CC2D2A: variants seen among roughly 807,000 people sequenced by gnomAD.
CC2D2A encodes coiled-coil and C2 domain-containing protein 2A.
CC2D2A carries 155 observed loss-of-function variants against 212.9 expected under a neutral mutation model. The observed-to-expected ratio is 0.73, with a 90% CI of 0.64 to 0.83. The LOEUF (loss-of-function observed/expected upper bound fraction) is 0.83. Among genes scored for constraint, CC2D2A ranks in the 40% least tolerant of loss-of-function variants. The pLI, the probability that CC2D2A is intolerant of heterozygous loss-of-function variation, is 0.00. For synonymous variants in CC2D2A, 667 were observed against 686.5 expected (o/e 0.97, Z 0.44); for missense variants, 1,856 against 1,956.2 (o/e 0.95, Z 0.97).
At chr4:15,492,776 C>A in intron 4 of CC2D2A, 1 of 710,422 alleles carries the variant, frequency 1.4e-6, no homozygotes, top group African/African-American at 1.8e-5. Flanking sequence ...TTGCTATAGC[C>A]AAATTCATTG....
rs150654680 is a variant in CC2D2A, at chr4:15,503,771, A to C, written c.438+848A>C. Among the ~76,000 whole-genome samples, 719 of 152,302 alleles carry C rather than the reference A, an allele frequency of 4.7e-3. 9 individuals carry two copies. Among genetic ancestry groups the C allele is most frequent in the African/African-American group, 0.014 (591 of 41,554 alleles). ...ATTTGAGGTGCTGGTGAGGAATCTC[A>C]ATATGTGTTCCTCCAGAGACACAGA... On this transcript the variant is annotated intron_variant, in intron 6 of 36. Transcript: ENST00000424120.
chr4:15,600,772 T>C (rs559133615), intron 36 of CC2D2A, among the ~76,000 whole-genome samples: 6 of 151,924 alleles, frequency 3.9e-5, no homozygotes, highest in African/African-American at 1.2e-4. Flanking sequence ...ATGGTGGCAC[T>C]TGCCTGCAGT....
chr4:15,484,545 G>A (rs62289343), intron 4 of CC2D2A, among the ~76,000 whole-genome samples: 3,347 of 152,302 alleles, frequency 0.022, 57 homozygotes, highest in Non-Finnish European at 0.032. Context: ...ATCCAGGTGG[G>A]AGTTATTGGG....
chr4:15,539,518 G>T (rs575309553), intron 16 of CC2D2A, among the ~76,000 whole-genome samples: 2 of 152,282 alleles, frequency 1.3e-5, no homozygotes, highest in East Asian at 3.9e-4. Flanking sequence ...CACAGTCTTG[G>T]TTTCAAACTT....
At chr4:15,593,105 A>C (rs886972437) in intron 33 of CC2D2A, among the ~76,000 whole-genome samples, 1 of 152,236 alleles carries the variant, frequency 6.6e-6, no homozygotes, top group African/African-American at 2.4e-5. Flanking sequence ...ACTTTTTGAT[A>C]CACGGATACC....
rs138576309 is a variant in CC2D2A, at chr4:15,577,584, A to C, written c.3772-2384A>C. Among the ~76,000 whole-genome samples, 3 of 152,282 alleles carry C rather than the reference A, an allele frequency of 2.0e-5. No homozygotes were observed. In the East Asian group the frequency reaches 5.8e-4, roughly 29 times the overall value. On this transcript the variant is annotated intron_variant, in intron 29 of 36. Coordinates refer to ENST00000424120, the MANE Select transcript of CC2D2A (RefSeq NM_001378615.1). ...TGGCCTAGACAAGTATTAAAGACTAAATGCTTACCATGTGTATGCTAGGTG... is the reference window on the plus strand; with the variant it reads ...TGGCCTAGACAAGTATTAAAGACTACATGCTTACCATGTGTATGCTAGGTG...
intron 15 of CC2D2A, 36 bp downstream of exon 15, chr4:15,537,112 G>A (rs1218963111): frequency 6.2e-7 from 1 of 1,602,208 alleles, no homozygotes; most frequent in South Asian, 1.1e-5. Context: ...AATAGGGCTG[G>A]CCAGGAAGTG....
chr4:15,537,262 TA>T (rs1560171239), intron 15 of CC2D2A, among the ~76,000 whole-genome samples, 186 bp downstream of exon 15: 4 of 152,110 alleles, frequency 2.6e-5, no homozygotes, highest in Non-Finnish European at 4.4e-5. Context: ...TGCATTTGCT[TA>T]AAAAGCCACC....
At chr4:15,546,758 G>A (rs1718730740) in intron 17 of CC2D2A, among the ~76,000 whole-genome samples, 1 of 152,226 alleles carries the variant, frequency 6.6e-6, no homozygotes, top group Non-Finnish European at 1.5e-5. Context: ...GTGTGCAGTT[G>A]GAAAGGTCAG....
Position 15,510,224 on chromosome 4 carries a change from T to C in CC2D2A, c.524T>C (p.Ile175Thr), listed in dbSNP as rs769979040. Residue 175 changes from isoleucine to threonine, a missense_variant, in exon 7 of 37, where the codon ATC (isoleucine) becomes ACC (threonine). Transcript: ENST00000424120. Reference sequence around the variant, plus strand: ...AAGTTCCATGATTCTGCACGAAAAATCAAGCCTAAACCCCAGGTGAGAAAT... The same window carrying C: ...AAGTTCCATGATTCTGCACGAAAAACCAAGCCTAAACCCCAGGTGAGAAAT... ...RVKFHDSARKIKPKPQVPPGF... is the reference protein window; with the variant it reads ...RVKFHDSARKTKPKPQVPPGF... 1 of 1,610,718 alleles carries C rather than the reference T, an allele frequency of 6.2e-7. No homozygotes were observed. The highest frequency in any genetic ancestry group is 1.7e-5 in the Admixed American group (1 of 59,084).
At chr4:15,490,518 G>T (rs1370643870) in intron 4 of CC2D2A, among the ~76,000 whole-genome samples, 1 of 152,110 alleles carries the variant, frequency 6.6e-6, no homozygotes, top group Non-Finnish European at 1.5e-5. Flanking sequence ...TCATCATATG[G>T]ACACACTATA....
chr4:15,548,273 C>T (rs1050213315), intron 17 of CC2D2A, among the ~76,000 whole-genome samples: 1 of 151,998 alleles, frequency 6.6e-6, no homozygotes, highest in Non-Finnish European at 1.5e-5. Context: ...GCACCAAGAG[C>T]CCCCATTCAG....
intron 6 of CC2D2A, among the ~76,000 whole-genome samples, chr4:15,508,084 C>T (rs765547307): frequency 6.6e-6 from 1 of 152,164 alleles, no homozygotes; most frequent in Admixed American, 6.5e-5. Context: ...TATTTTGGGC[C>T]ATCTGTTTCT....
intron 30 of CC2D2A, among the ~76,000 whole-genome samples, chr4:15,583,905 C>T (rs532969695): frequency 6.1e-4 from 91 of 149,786 alleles, no homozygotes; most frequent in Admixed American, 2.0e-4. Flanking sequence ...GAGCCAGGAT[C>T]GTGCCACTAC....
intron 30 of CC2D2A, among the ~76,000 whole-genome samples, chr4:15,582,652 A>C (rs1720707276): frequency 6.6e-6 from 1 of 152,228 alleles, no homozygotes. Flanking sequence ...TCATGAAGAA[A>C]TATACCTGAA....
At chr4:15,553,515 TTAAG>T (rs1219546678) in intron 19 of CC2D2A, among the ~76,000 whole-genome samples, 1 of 152,218 alleles carries the variant, frequency 6.6e-6, no homozygotes, top group East Asian at 1.9e-4. Flanking sequence ...CTAAGAAATA[TTAAG>T]TGTTTATCGG....
chr4:15,492,733 GA>G, intron 4 of CC2D2A: 1 of 809,732 alleles, frequency 1.2e-6, no homozygotes, highest in Non-Finnish European at 2.0e-6. Flanking sequence ...TTACTCCTTG[GA>G]GGCCATGTGG....
At chr4:15,581,667 G>A (rs1163554841) in intron 30 of CC2D2A, among the ~76,000 whole-genome samples, 2 of 152,140 alleles carry the variant, frequency 1.3e-5, no homozygotes, top group African/African-American at 4.8e-5. Context: ...CTTGACTTTG[G>A]ATGGAAGAGA....
At chr4:15,585,820 G>A (rs1720834999) in intron 30 of CC2D2A, among the ~76,000 whole-genome samples, 1 of 152,160 alleles carries the variant, frequency 6.6e-6, no homozygotes, top group African/African-American at 2.4e-5. Flanking sequence ...GCTCCTTAGA[G>A]AAATGACTGC....
Sources: allele counts gnomAD v4.1 joint callset (sites outside exome capture counted in the v4.1 genomes callset), GRCh38; gene constraint gnomAD v4.1.1; transcripts MANE v1.5; gene names NCBI Gene and HGNC (gene_info 2026-07-23, HGNC 2026-07-21).